XPNPEP1: variants seen among roughly 807,000 people sequenced by gnomAD.
The protein encoded by XPNPEP1 is xaa-Pro aminopeptidase 1.
Under a neutral mutation model 92.4 loss-of-function variants are expected in XPNPEP1, and 39 were observed. That is an observed-to-expected ratio of 0.42 (90% CI 0.33 to 0.55). The LOEUF (loss-of-function observed/expected upper bound fraction) is 0.55. Among genes scored for constraint, XPNPEP1 ranks in the 20% least tolerant of loss-of-function variants. XPNPEP1 has a pLI of 0.08. For synonymous variants in XPNPEP1, 307 were observed against 299.4 expected (o/e 1.03, Z -0.26); for missense variants, 654 against 856.1 (o/e 0.76, Z 2.95).
At chr10:109,886,578 C>T (rs1271441203) in intron 7 of XPNPEP1, among the ~76,000 whole-genome samples, 4 of 152,214 alleles carry the variant, frequency 2.6e-5, no homozygotes, top group Non-Finnish European at 5.9e-5. Context: ...CCCACAAATG[C>T]CTGTGTAACA....
At chr10:109,874,364 C>G (rs1366370746) in intron 15 of XPNPEP1, among the ~76,000 whole-genome samples, 1 of 152,220 alleles carries the variant, frequency 6.6e-6, no homozygotes, top group Non-Finnish European at 1.5e-5. Flanking sequence ...CCTGTTAGAA[C>G]AGCAGGGGGT....
At chr10:109,922,583 C>T (rs1171820238) in intron 1 of XPNPEP1, among the ~76,000 whole-genome samples, 1 of 152,198 alleles carries the variant, frequency 6.6e-6, no homozygotes, top group Non-Finnish European at 1.5e-5. Flanking sequence ...AGCAAGAAAG[C>T]CTGGCCATGC....
intron 3 of XPNPEP1, among the ~76,000 whole-genome samples, chr10:109,903,145 A>C (rs889672438): frequency 6.6e-6 from 1 of 152,236 alleles, no homozygotes; most frequent in Non-Finnish European, 1.5e-5. Flanking sequence ...AAACACACAG[A>C]TAATATCCTA....
chr10:109,907,584 G>A (rs957434443), intron 3 of XPNPEP1, 107 bp downstream of exon 3: 2 of 1,534,280 alleles, frequency 1.3e-6, no homozygotes, highest in Middle Eastern at 2.0e-4. Context: ...CCCTGGAAGG[G>A]CTTGGTTGTG....
chr10:109,868,779 T>C (rs2133346451), intron 19 of XPNPEP1, 67 bp from the exon 20 acceptor site: 1 of 1,449,546 alleles, frequency 6.9e-7, no homozygotes, highest in Non-Finnish European at 9.6e-7. Context: ...CATGAGGTCA[T>C]TCCACCAGCA....
intron 5 of XPNPEP1, among the ~76,000 whole-genome samples, chr10:109,889,405 G>A (rs1848578838): frequency 6.6e-6 from 1 of 152,182 alleles, no homozygotes; most frequent in Non-Finnish European, 1.5e-5. Flanking sequence ...GTTTCACCAT[G>A]TTAGCCAGGT....
At chr10:109,923,283 G>T in intron 1 of XPNPEP1, 119 bp downstream of exon 1, 1 of 1,216,330 alleles carries the variant, frequency 8.2e-7, no homozygotes, top group South Asian at 3.2e-5. Flanking sequence ...GCCCTCGCCA[G>T]ACTGCGGCGG....
chr10:109,882,022 A>T (rs984907844), intron 10 of XPNPEP1, among the ~76,000 whole-genome samples: 2 of 152,170 alleles, frequency 1.3e-5, no homozygotes, highest in African/African-American at 4.8e-5. Flanking sequence ...CTTTTACCCT[A>T]GCTTCTTAAC....
chr10:109,920,003 G>A (rs930623432), intron 1 of XPNPEP1, among the ~76,000 whole-genome samples: 2 of 151,710 alleles, frequency 1.3e-5, no homozygotes. Context: ...CTGCACTCCA[G>A]CCTGGCAACA....
chr10:109,878,148 T>C, intron 12 of XPNPEP1, 90 bp from the exon 13 acceptor site: 2 of 1,479,630 alleles, frequency 1.4e-6, no homozygotes, highest in Non-Finnish European at 1.9e-6. Flanking sequence ...AGCTCACTTT[T>C]TCCTCAATTG....
chr10:109,921,653 T>C (rs2084607), intron 1 of XPNPEP1, among the ~76,000 whole-genome samples: 47,964 of 152,046 alleles, frequency 0.32, 8,148 homozygotes, highest in Admixed American at 0.46. Context: ...AAGTAAGCAA[T>C]GTTGTCTTTG....
At chr10:109,888,479 C>A in intron 6 of XPNPEP1, 24 bp downstream of exon 6, 1 of 1,588,972 alleles carries the variant, frequency 6.3e-7, no homozygotes, top group Admixed American at 1.8e-5. Flanking sequence ...CTTACCCAAG[C>A]AGAAAGGGAC....
At chr10:109,893,165 A>G in intron 3 of XPNPEP1, 90 bp from the exon 4 acceptor site, 1 of 1,229,152 alleles carries the variant, frequency 8.1e-7, no homozygotes, top group Non-Finnish European at 1.2e-6. Flanking sequence ...CTCAGCGGGG[A>G]CTATGAAGAC....
intron 2 of XPNPEP1, among the ~76,000 whole-genome samples, chr10:109,911,504 C>T (rs1849870502): frequency 1.3e-5 from 2 of 152,196 alleles, no homozygotes; most frequent in African/African-American, 2.4e-5. Context: ...TATATGTCAA[C>T]ACCTCCACTG....
chr10:109,870,791 C>G lies in XPNPEP1; in HGVS notation c.1636G>C (p.Gly546Arg). Residue 546 changes from glycine to arginine, a missense_variant, in exon 18 of 21, where the codon GGC becomes CGC. Gly to Arg is a moderately radical substitution (Grantham distance 125). Coordinates refer to ENST00000502935, the MANE Select transcript of XPNPEP1 (RefSeq NM_020383.4). The stretch of plus-strand genomic sequence containing the variant: ...TCAGAGAATGTTTTGTAACTGATGC[C>G]GCAAGGACCCTCATGGACATTCAAA... Reference protein sequence around the residue: ...SFLNVHEGPCGISYKTFSDEP... With the variant: ...SFLNVHEGPCRISYKTFSDEP... 1 of 1,614,092 alleles carries G rather than the reference C, an allele frequency of 6.2e-7. No homozygotes were observed. Among genetic ancestry groups the G allele is most frequent in the Non-Finnish European group, 8.5e-7 (1 of 1,180,014 alleles).
At chr10:109,891,912 A>G in intron 4 of XPNPEP1, 86 bp from the exon 5 acceptor site, 1 of 1,339,108 alleles carries the variant, frequency 7.5e-7, no homozygotes, top group Non-Finnish European at 1.0e-6. Flanking sequence ...GACAGGCAAG[A>G]GCAGTAAGAG....
At chr10:109,913,621 A>G (rs923537411) in intron 2 of XPNPEP1, among the ~76,000 whole-genome samples, 7 of 152,246 alleles carry the variant, frequency 4.6e-5, no homozygotes, top group African/African-American at 1.7e-4. Flanking sequence ...GGAGTTAAGT[A>G]CTTGCCCAAA....
At chr10:109,873,457 C>T in intron 15 of XPNPEP1, 30 bp from the exon 16 acceptor site, 2 of 1,613,936 alleles carry the variant, frequency 1.2e-6, no homozygotes, top group Non-Finnish European at 1.7e-6. Context: ...ATTGGTTTCC[C>T]GTCAAAATAA....
intron 3 of XPNPEP1, among the ~76,000 whole-genome samples, chr10:109,903,991 T>C (rs1055405377): frequency 1.3e-5 from 2 of 151,702 alleles, no homozygotes; most frequent in Non-Finnish European, 2.9e-5. Context: ...ACTACAGCCA[T>C]GAGCCACCAC....
Sources: gnomAD v4.1 joint callset for allele counts (sites outside exome capture counted in the v4.1 genomes callset) on GRCh38, gnomAD v4.1.1 for gene constraint, MANE v1.5 for transcripts, NCBI Gene and HGNC (gene_info 2026-07-23, HGNC 2026-07-21) for gene names.